The following PCSK2 variants were observed in gnomAD, a reference collection of about 807,000 sequenced individuals.
The protein encoded by PCSK2 is proprotein convertase subtilisin/kexin type 2.
Under a neutral mutation model 69.7 loss-of-function variants are expected in PCSK2, and 14 were observed. That is an observed-to-expected ratio of 0.20 (90% CI 0.13 to 0.31). The LOEUF (loss-of-function observed/expected upper bound fraction) is 0.31. PCSK2 is among the 10% of genes least tolerant of loss of function. The pLI, the probability that PCSK2 is intolerant of heterozygous loss-of-function variation, is 1.00. For synonymous variants in PCSK2, 307 were observed against 320.7 expected, an observed-to-expected ratio of 0.96 and a Z score of 0.46; for missense variants, 544 against 842.5, an observed-to-expected ratio of 0.65 and a Z score of 4.39.
At chr20:17,398,758 G>GTT (rs368307941) in intron 5 of PCSK2, among the ~76,000 whole-genome samples, 1 of 143,952 alleles carries the variant, frequency 6.9e-6, no homozygotes. Flanking sequence ...TTGGAGGTTT[G>GTT]TTTTTTTTTT....
intron 2 of PCSK2, among the ~76,000 whole-genome samples, chr20:17,302,234 G>C (rs1183560773): frequency 1.3e-5 from 2 of 152,060 alleles, no homozygotes; most frequent in Non-Finnish European, 2.9e-5. Flanking sequence ...CGAATTCCAT[G>C]ACCCTATATC....
At chr20:17,430,247 A>G (rs1266138966) in intron 7 of PCSK2, among the ~76,000 whole-genome samples, 1 of 152,346 alleles carries the variant, frequency 6.6e-6, no homozygotes, top group South Asian at 2.1e-4. Flanking sequence ...AGACAGAGAC[A>G]GAGACTGAGA....
intron 1 of PCSK2, among the ~76,000 whole-genome samples, chr20:17,235,555 A>AC (rs1986307886): frequency 6.6e-6 from 1 of 152,184 alleles, no homozygotes; most frequent in African/African-American, 2.4e-5. Context: ...GGTTTAAAAC[A>AC]TTTGCAAAGT....
At position 17,481,837 on chromosome 20, in the gene PCSK2, G is replaced by A; in HGVS notation, c.1684G>A (p.Glu562Lys). ...TTTCATGACCACTCACACGTGGGGG[G>A]AAGACGCCCGAGGCACCTGGACCCT... is the stretch of plus-strand genomic sequence containing the variant. The part of the protein sequence containing the change: ...WPFMTTHTWG[E>K]DARGTWTLEL... Residue 562 changes from glutamate to lysine, a missense_variant, in exon 12 of 12, where the codon GAA becomes AAA. Around this residue, in one of 3 missense-constraint regions of PCSK2, gnomAD observed 200 missense variants for 287.8 expected, o/e 0.69. Coordinates refer to ENST00000262545, the MANE Select transcript of PCSK2 (RefSeq NM_002594.5). 5 of 1,614,156 alleles carry A rather than the reference G, an allele frequency of 3.1e-6. No homozygotes were observed. The highest frequency in any genetic ancestry group is 3.4e-6 in the Non-Finnish European group (4 of 1,180,026).
At chr20:17,347,952 GAA>G (rs772934676) in intron 2 of PCSK2, among the ~76,000 whole-genome samples, 7,631 of 58,158 alleles carry the variant, frequency 0.13, 927 homozygotes, top group Middle Eastern at 0.22. Context: ...AAGAAAGAAA[GAA>G]AGAAAGAGAA....
chr20:17,463,756 C>G (rs2033052981), intron 10 of PCSK2: 1 of 149,218 alleles, frequency 6.7e-6, no homozygotes, highest in Non-Finnish European at 1.5e-5. Context: ...AGAAGGTCTG[C>G]ATTCAAGAGC....
At chr20:17,456,097 G>A (rs769746345) in intron 9 of PCSK2, among the ~76,000 whole-genome samples, 33 of 152,094 alleles carry the variant, frequency 2.2e-4, no homozygotes, top group South Asian at 4.2e-4. Context: ...AAAATTAGCC[G>A]GGCATGGTGG....
intron 2 of PCSK2, among the ~76,000 whole-genome samples, chr20:17,270,327 A>AG (rs1987812396): frequency 6.6e-6 from 1 of 152,174 alleles, no homozygotes; most frequent in Non-Finnish European, 1.5e-5. Flanking sequence ...ACGGTCTTAA[A>AG]GCCAAACCAA....
intron 2 of PCSK2, among the ~76,000 whole-genome samples, chr20:17,317,058 G>A (rs550408101): frequency 4.6e-5 from 7 of 151,630 alleles, no homozygotes; most frequent in Non-Finnish European, 1.0e-4. Context: ...CTCTCTTTTT[G>A]CCCTGACATC....
At chr20:17,300,393 G>T (rs2123086526) in intron 2 of PCSK2, among the ~76,000 whole-genome samples, 1 of 152,350 alleles carries the variant, frequency 6.6e-6, no homozygotes, top group Middle Eastern at 3.4e-3. Flanking sequence ...GCATAGATGG[G>T]TTCCCCAGAG....
rs1267292554 is a variant in PCSK2, at chr20:17,369,180, C to T, written c.506-60C>T. On this transcript the variant is annotated intron_variant, in intron 4 of 11. Coordinates refer to ENST00000262545, the MANE Select transcript of PCSK2 (RefSeq NM_002594.5). The stretch of plus-strand genomic sequence containing the variant: ...GAGGGCACTTTCTTGGGCAGCTTTC[C>T]TGAGGACACAGTGGCAGGTATTAAC... 7.3e-6 allele frequency: 11 copies of T among 1,503,738 alleles called. No homozygotes were observed. The East Asian group carries it at 2.5e-4, about 34-fold the overall frequency. 93.1% of individuals were successfully genotyped at this position (1,503,738 alleles called of 1,614,324 possible). A position where few individuals can be genotyped will look rare whatever the true frequency, so the allele number is the denominator to read the frequency against.
At chr20:17,240,321 T>C (rs1009058291) in intron 1 of PCSK2, among the ~76,000 whole-genome samples, 3 of 152,150 alleles carry the variant, frequency 2.0e-5, no homozygotes, top group Non-Finnish European at 4.4e-5. Context: ...CAGGCCCCTC[T>C]GACAGTTACA....
chr20:17,294,473 C>T (rs2123073131), intron 2 of PCSK2, among the ~76,000 whole-genome samples: 1 of 152,288 alleles, frequency 6.6e-6, no homozygotes, highest in East Asian at 1.9e-4. Context: ...CCTTTCTAGT[C>T]TTCTGCTGGA....
chr20:17,237,042 C>G (rs1236536412), intron 1 of PCSK2, among the ~76,000 whole-genome samples: 6 of 152,098 alleles, frequency 3.9e-5, no homozygotes, highest in Non-Finnish European at 8.8e-5. Flanking sequence ...TTTATGGTGG[C>G]ACCAGCAGAC....
chr20:17,341,315 A>G (rs140546804), intron 2 of PCSK2, among the ~76,000 whole-genome samples: 1 of 152,332 alleles, frequency 6.6e-6, no homozygotes, highest in Non-Finnish European at 1.5e-5. Flanking sequence ...TTTCTCTGAC[A>G]TTCTGAACAA....
intron 1 of PCSK2, among the ~76,000 whole-genome samples, chr20:17,255,817 G>A (rs1468166387): frequency 6.6e-6 from 1 of 152,040 alleles, no homozygotes; most frequent in South Asian, 2.1e-4. Flanking sequence ...AATCCTACTT[G>A]GTTATGATGA....
chr20:17,456,717 T>C (rs1316127973), intron 10 of PCSK2, among the ~76,000 whole-genome samples: 1 of 152,220 alleles, frequency 6.6e-6, no homozygotes, highest in Non-Finnish European at 1.5e-5. Flanking sequence ...CTTACTCAGA[T>C]ACCCAGTGAA....
chr20:17,233,164 G>A (rs1986206810), intron 1 of PCSK2, among the ~76,000 whole-genome samples: 1 of 152,172 alleles, frequency 6.6e-6, no homozygotes, highest in Non-Finnish European at 1.5e-5. Context: ...AGGTAAAGAT[G>A]ACAGGATTTG....
chr20:17,282,416 C>T (rs537450025), intron 2 of PCSK2, among the ~76,000 whole-genome samples: 6 of 152,226 alleles, frequency 3.9e-5, no homozygotes, highest in East Asian at 3.9e-4. Context: ...GAAGAAATAT[C>T]GATTTATTTC....
Sources: gnomAD v4.1 joint callset for allele counts (sites outside exome capture counted in the v4.1 genomes callset) on GRCh38, gnomAD v4.1.1 for gene constraint, gnomAD v4.1.1 regional missense constraint, MANE v1.5 for transcripts, NCBI Gene and HGNC (gene_info 2026-07-23, HGNC 2026-07-21) for gene names.